Variants in PDE4D observed in about 807,000 individuals in gnomAD.
The protein encoded by PDE4D is phosphodiesterase 4D.
In PDE4D, 24 loss-of-function variants were observed where a neutral mutation model predicts 87.4. The ratio of observed to expected loss-of-function variants is 0.27; its 90% confidence interval spans 0.20 to 0.39. The LOEUF (loss-of-function observed/expected upper bound fraction) is 0.39, where lower values mean the gene tolerates loss of function less well. Among genes scored for constraint, PDE4D ranks in the 10% least tolerant of loss-of-function variants. PDE4D has a pLI of 1.00. For missense variants in PDE4D, 714 were observed against 1,041.0 expected (o/e 0.69, Z 4.32); for synonymous variants, 384 against 383.2 (o/e 1.00, Z -0.02).
At chr5:59,569,702 C>A (rs910438776) in intron 1 of PDE4D, among the ~76,000 whole-genome samples, 1 of 152,156 alleles carries the variant, frequency 6.6e-6, no homozygotes, top group East Asian at 1.9e-4. Context: ...GAACTAGCCT[C>A]TTCCCAGTAC....
chr5:59,661,267 A>G (rs1019076513), intron 1 of PDE4D, among the ~76,000 whole-genome samples: 2 of 152,110 alleles, frequency 1.3e-5, no homozygotes, highest in African/African-American at 4.8e-5. Flanking sequence ...GCTTTTCCTT[A>G]GTATTACTTT....
intron 3 of PDE4D, among the ~76,000 whole-genome samples, chr5:59,918,910 G>T (rs1456708939): frequency 1.3e-5 from 2 of 152,168 alleles, no homozygotes; most frequent in Non-Finnish European, 2.9e-5. Flanking sequence ...CTTGGAAACT[G>T]TGAGATAGTA....
chr5:59,148,351 A>G (rs10077198), intron 5 of PDE4D, among the ~76,000 whole-genome samples: 57,723 of 152,006 alleles, frequency 0.38, 11,466 homozygotes, highest in African/African-American at 0.44. Context: ...TTTTCTTTTT[A>G]CTATAACTCC....
At chr5:60,061,913 A>G (rs1456559945) in intron 2 of PDE4D, among the ~76,000 whole-genome samples, 1 of 152,154 alleles carries the variant, frequency 6.6e-6, no homozygotes, top group Non-Finnish European at 1.5e-5. Flanking sequence ...ACAAAAATCA[A>G]CTCAAGATGG....
chr5:59,247,571 A>G (rs1268884145), intron 1 of PDE4D, among the ~76,000 whole-genome samples: 1 of 152,142 alleles, frequency 6.6e-6, no homozygotes. Context: ...TTAAAAATGG[A>G]AATAGAATGT....
At chr5:59,731,131 T>C (rs1757307430) in intron 1 of PDE4D, among the ~76,000 whole-genome samples, 1 of 151,942 alleles carries the variant, frequency 6.6e-6, no homozygotes, top group East Asian at 1.9e-4. Flanking sequence ...AAAAACAAGC[T>C]CCTCAGCTTC....
chr5:60,217,882 A>T (rs1744044792), intron 1 of PDE4D, among the ~76,000 whole-genome samples: 1 of 151,954 alleles, frequency 6.6e-6, no homozygotes, highest in East Asian at 1.9e-4. Flanking sequence ...TTAAAATGAA[A>T]AACACTGACA....
At chr5:59,496,634 TG>T (rs1435297088) in intron 1 of PDE4D, among the ~76,000 whole-genome samples, 1 of 152,086 alleles carries the variant, frequency 6.6e-6, no homozygotes, top group Non-Finnish European at 1.5e-5. Flanking sequence ...GGGAGGGGGA[TG>T]TAGCCGGCTA....
At chr5:59,921,542 T>C (rs1485867069) in intron 3 of PDE4D, among the ~76,000 whole-genome samples, 1 of 152,168 alleles carries the variant, frequency 6.6e-6, no homozygotes, top group African/African-American at 2.4e-5. Context: ...ATTTTTGTTG[T>C]TTGAAATGTG....
chr5:59,965,115 A>G (rs1164384496), intron 3 of PDE4D, among the ~76,000 whole-genome samples: 4 of 152,162 alleles, frequency 2.6e-5, no homozygotes, highest in African/African-American at 4.8e-5. Flanking sequence ...TTGATCCAAA[A>G]CCAAGACTAG....
intron 1 of PDE4D, among the ~76,000 whole-genome samples, chr5:59,840,150 T>C (rs932412027): frequency 1.3e-5 from 2 of 151,840 alleles, no homozygotes; most frequent in Non-Finnish European, 2.9e-5. Context: ...TCCTCTTCCA[T>C]GCTAGTTAAT....
chr5:59,925,568 A>T (rs1755164952), intron 3 of PDE4D, among the ~76,000 whole-genome samples: 1 of 152,328 alleles, frequency 6.6e-6, no homozygotes, highest in African/African-American at 2.4e-5. Flanking sequence ...AAATACACAG[A>T]GTAGTTGAAT....
chr5:59,888,967 T>A (rs1476786319), intron 1 of PDE4D, among the ~76,000 whole-genome samples: 2 of 152,060 alleles, frequency 1.3e-5, no homozygotes, highest in African/African-American at 4.8e-5. Flanking sequence ...GTGGCTTACG[T>A]CTGTATCCCA....
chr5:59,192,954 C>G (rs1744662776), intron 3 of PDE4D, among the ~76,000 whole-genome samples: 1 of 152,166 alleles, frequency 6.6e-6, no homozygotes, highest in African/African-American at 2.4e-5. Flanking sequence ...GTCATCAACT[C>G]TTTCATATTT....
At chr5:59,665,896 C>G (rs192393697) in intron 1 of PDE4D, among the ~76,000 whole-genome samples, 1 of 152,310 alleles carries the variant, frequency 6.6e-6, no homozygotes, top group African/African-American at 2.4e-5. Context: ...CTGTAGCATG[C>G]TGACTTTGGA....
At chr5:59,140,862 A>G (rs1777784530) in intron 5 of PDE4D, among the ~76,000 whole-genome samples, 1 of 151,330 alleles carries the variant, frequency 6.6e-6, no homozygotes, top group Non-Finnish European at 1.5e-5. Context: ...TCTTAGGGCC[A>G]AGGAGACAAT....
At chr5:60,322,738 C>G (rs1158021549) in intron 1 of PDE4D, among the ~76,000 whole-genome samples, 1 of 152,214 alleles carries the variant, frequency 6.6e-6, no homozygotes. Flanking sequence ...TCTAGAAAGT[C>G]TTCCCCAAAT....
intron 1 of PDE4D, among the ~76,000 whole-genome samples, chr5:60,245,068 A>C (rs1747597368): frequency 6.6e-6 from 1 of 152,044 alleles, no homozygotes; most frequent in Non-Finnish European, 1.5e-5. Context: ...TAATAACCAG[A>C]ACATATAAGG....
At chr5:60,270,313 G>A (rs1377787755) in intron 1 of PDE4D, among the ~76,000 whole-genome samples, 2 of 152,138 alleles carry the variant, frequency 1.3e-5, no homozygotes, top group Non-Finnish European at 2.9e-5. Context: ...TAGAAAGTAG[G>A]AGACAAGGGA....
Sources: allele counts gnomAD v4.1 joint callset (sites outside exome capture counted in the v4.1 genomes callset), GRCh38; gene constraint gnomAD v4.1.1; transcripts MANE v1.5; gene names NCBI Gene and HGNC (gene_info 2026-07-23, HGNC 2026-07-21).